CCDC88A: variants seen among roughly 807,000 people sequenced by gnomAD.
CCDC88A encodes the protein girdin.
CCDC88A carries 54 observed loss-of-function variants against 234.3 expected under a neutral mutation model. The ratio of observed to expected loss-of-function variants is 0.23; its 90% CI spans 0.19 to 0.29. The LOEUF (loss-of-function observed/expected upper bound fraction) is 0.29, where lower values mean the gene tolerates loss of function less well. CCDC88A is among the 10% of genes least tolerant of loss of function. The pLI is 1.00. For missense variants in CCDC88A, 1,832 were observed against 2,123.4 expected (o/e 0.86, Z 2.70); for synonymous variants, 753 against 737.8 (o/e 1.02, Z -0.33).
At chr2:55,300,437 T>A (rs1281875559) in intron 28 of CCDC88A, 2 of 152,674 alleles carry the variant, frequency 1.3e-5, no homozygotes, top group African/African-American at 4.8e-5. Context: ...TGTTATCCAC[T>A]TATTGCCAAT....
intron 8 of CCDC88A, among the ~76,000 whole-genome samples, chr2:55,351,833 C>A (rs1029192987): frequency 1.3e-5 from 2 of 151,990 alleles, no homozygotes; most frequent in Non-Finnish European, 2.9e-5. Context: ...TGCCTGTCAA[C>A]CAAAAAATGG....
rs370184314 is a variant in CCDC88A, at chr2:55,336,763, T to C, written c.1574A>G (p.Gln525Arg). Residue 525 changes from glutamine to arginine, a missense_variant, in exon 14 of 33, where the codon CAG (glutamine) becomes CGG (arginine). Gln to Arg is a conservative substitution (Grantham distance 43). Transcript: ENST00000436346. ...CTTCATTAGATCCTTGCTTAAATTC[T>C]GACAATTCTGAAGACTTTGCTTTTC... ...VQEKQSLQNCQNLSKDLMKEK... is the reference protein window; with the variant it reads ...VQEKQSLQNCRNLSKDLMKEK... 5.0e-6 allele frequency: 8 copies of C among 1,595,962 alleles called. No homozygotes were observed. The highest frequency in any genetic ancestry group is 6.0e-6 in the Non-Finnish European group (7 of 1,168,532).
At chr2:55,383,676 C>T (rs1374107468) in intron 3 of CCDC88A, among the ~76,000 whole-genome samples, 1 of 151,036 alleles carries the variant, frequency 6.6e-6, no homozygotes, top group Non-Finnish European at 1.5e-5. Flanking sequence ...TAAAATACTT[C>T]GCCTCAAATA....
intron 25 of CCDC88A, among the ~76,000 whole-genome samples, chr2:55,306,501 A>G (rs1432398179): frequency 1.3e-5 from 2 of 152,148 alleles, no homozygotes; most frequent in Admixed American, 6.6e-5. Context: ...GTGTGTATAT[A>G]TAAGTGTGTA....
intron 2 of CCDC88A, among the ~76,000 whole-genome samples, chr2:55,389,764 G>A (rs927792076): frequency 6.6e-6 from 1 of 151,972 alleles, no homozygotes; most frequent in African/African-American, 2.4e-5. Flanking sequence ...ACTGAGGTAG[G>A]GCACGGTGAC....
chr2:55,326,512 T>C (rs1285849702), intron 17 of CCDC88A, among the ~76,000 whole-genome samples: 2 of 152,204 alleles, frequency 1.3e-5, no homozygotes, highest in Admixed American at 1.3e-4. Context: ...GTTGAATACA[T>C]AGCAGGAAGC....
At chr2:55,366,227 T>A (rs1454950255) in intron 5 of CCDC88A, among the ~76,000 whole-genome samples, 1 of 152,126 alleles carries the variant, frequency 6.6e-6, no homozygotes, top group Non-Finnish European at 1.5e-5. Context: ...CATGATATTC[T>A]AAGAATACGA....
At chr2:55,370,641 CAAA>C (rs567431857) in intron 5 of CCDC88A, among the ~76,000 whole-genome samples, 24 of 47,524 alleles carry the variant, frequency 5.1e-4, no homozygotes, top group African/African-American at 9.8e-4. Context: ...AACTCTGTCT[CAAA>C]AAAAAAAAAA....
intron 3 of CCDC88A, among the ~76,000 whole-genome samples, chr2:55,380,858 C>T (rs763276767): frequency 6.6e-5 from 10 of 152,186 alleles, no homozygotes; most frequent in East Asian, 1.9e-4. Flanking sequence ...CTCAAATGAT[C>T]GCTTGCCTTG....
intron 3 of CCDC88A, among the ~76,000 whole-genome samples, chr2:55,385,846 CCA>C (rs1675495143): frequency 4.7e-5 from 2 of 42,576 alleles, no homozygotes; most frequent in Non-Finnish European, 4.1e-5. Flanking sequence ...GAGTGAAACT[CCA>C]TGTCAAAAAA....
At position 55,416,458 on chromosome 2, in the gene CCDC88A, A is replaced by G. The variant is rs1291074396; in HGVS notation, c.164+2358T>C. ...TAAATAAATAAATATATATATATAT[A>G]TATATATATATATATATATATATAT... On this transcript the variant is annotated intron_variant, in intron 2 of 32. Transcript: ENST00000436346. 7.2e-4 allele frequency among the ~76,000 whole-genome samples: 61 copies of G among 85,108 alleles called. 5 individuals carry two copies. Among genetic ancestry groups the G allele is most frequent in the East Asian group, 7.3e-4 (3 of 4,108 alleles). 55.8% of individuals were successfully genotyped at this position (85,108 alleles called of 152,430 possible). A position where few individuals can be genotyped will look rare whatever the true frequency, so the allele number is the denominator to read the frequency against.
chr2:55,412,249 G>A (rs1337407411), intron 2 of CCDC88A, among the ~76,000 whole-genome samples: 2 of 152,210 alleles, frequency 1.3e-5, no homozygotes, highest in Non-Finnish European at 2.9e-5. Flanking sequence ...CAATAGCTAC[G>A]CAGGTGAAGG....
chr2:55,297,876 G>T (rs2589114), intron 29 of CCDC88A, among the ~76,000 whole-genome samples: 135,652 of 152,170 alleles, frequency 0.89, 61,309 homozygotes, highest in East Asian at 0.97. Context: ...AAAATTTAAA[G>T]AGCATACACA....
chr2:55,400,379 T>G (rs1048220284), intron 2 of CCDC88A, among the ~76,000 whole-genome samples: 3 of 152,120 alleles, frequency 2.0e-5, no homozygotes, highest in African/African-American at 7.2e-5. Flanking sequence ...CTTTATAAGA[T>G]GAAAACTAAA....
chr2:55,391,488 G>A (rs533870297), intron 2 of CCDC88A, among the ~76,000 whole-genome samples: 1 of 152,218 alleles, frequency 6.6e-6, no homozygotes, highest in Admixed American at 6.5e-5. Context: ...AAATGAAAAA[G>A]ATCATGGAAA....
At chr2:55,365,089 C>T (rs1671782271) in intron 5 of CCDC88A, among the ~76,000 whole-genome samples, 1 of 152,074 alleles carries the variant, frequency 6.6e-6, no homozygotes, top group Non-Finnish European at 1.5e-5. Context: ...AATACACTTC[C>T]ATCAATGCAG....
chr2:55,418,776 C>T, intron 2 of CCDC88A, 40 bp downstream of exon 2: 1 of 1,508,316 alleles, frequency 6.6e-7, no homozygotes, highest in Non-Finnish European at 9.2e-7. Context: ...TATGCTATTT[C>T]TCAAAGAAAA....
intron 3 of CCDC88A, among the ~76,000 whole-genome samples, chr2:55,376,678 T>A (rs1434708883): frequency 6.6e-6 from 1 of 152,200 alleles, no homozygotes; most frequent in African/African-American, 2.4e-5. Flanking sequence ...AGAATAAGCA[T>A]CGAAAATTGC....
chr2:55,303,624 G>A (rs1212824064), intron 25 of CCDC88A, among the ~76,000 whole-genome samples: 2 of 151,984 alleles, frequency 1.3e-5, no homozygotes, highest in African/African-American at 2.4e-5. Flanking sequence ...CAGGTGATCC[G>A]CCCACCTCAG....
Sources: gnomAD v4.1 joint callset for allele counts (sites outside exome capture counted in the v4.1 genomes callset) on GRCh38, gnomAD v4.1.1 for gene constraint, MANE v1.5 for transcripts, NCBI Gene and HGNC (gene_info 2026-07-23, HGNC 2026-07-21) for gene names.